The following TNFRSF19 variants were observed in gnomAD, a reference collection of about 807,000 sequenced individuals.
The protein encoded by TNFRSF19 is TNF receptor superfamily member 19.
A neutral mutation model predicts 46.4 loss-of-function variants in TNFRSF19; 27 were observed. The ratio of observed to expected loss-of-function variants is 0.58; its 90% CI spans 0.43 to 0.80. The LOEUF is 0.80. TNFRSF19 is among the 30% of genes least tolerant of loss of function. The probability of loss-of-function intolerance (pLI) is 0.00; values close to 1 mark genes in which losing one functional copy is unlikely to be tolerated. For synonymous variants in TNFRSF19, 204 were observed against 205.0 expected (o/e 1.00, Z 0.04); for missense variants, 511 against 530.8 (o/e 0.96, Z 0.37).
intron 3 of TNFRSF19, among the ~76,000 whole-genome samples, chr13:23,594,611 C>T (rs1391964258): frequency 6.6e-6 from 1 of 152,238 alleles, no homozygotes; most frequent in African/African-American, 2.4e-5. Flanking sequence ...GCAGCAGCCC[C>T]AGTGAGGGGC....
At chr13:23,610,418 T>C (rs995234815) in intron 3 of TNFRSF19, among the ~76,000 whole-genome samples, 7 of 152,204 alleles carry the variant, frequency 4.6e-5, no homozygotes, top group Non-Finnish European at 8.8e-5. Flanking sequence ...GAGCTACAGC[T>C]TGGGTGGAAG....
At chr13:23,614,129 C>G (rs1198762661) in intron 3 of TNFRSF19, among the ~76,000 whole-genome samples, 1 of 152,140 alleles carries the variant, frequency 6.6e-6, no homozygotes, top group Non-Finnish European at 1.5e-5. Flanking sequence ...TGATATAGAA[C>G]ATTGTGTGGC....
chr13:23,617,733 CT>C (rs1881400463), intron 4 of TNFRSF19, among the ~76,000 whole-genome samples: 1 of 152,208 alleles, frequency 6.6e-6, no homozygotes, highest in African/African-American at 2.4e-5. Context: ...CCAAGTACTT[CT>C]CATGAATTAT....
At chr13:23,578,148 G>A (rs975251375) in intron 1 of TNFRSF19, among the ~76,000 whole-genome samples, 1 of 152,172 alleles carries the variant, frequency 6.6e-6, no homozygotes, top group African/African-American at 2.4e-5. Flanking sequence ...AACAGATAAA[G>A]AAGTTCAGCG....
At chr13:23,637,134 T>C (rs1013568803) in intron 5 of TNFRSF19, among the ~76,000 whole-genome samples, 3 of 152,112 alleles carry the variant, frequency 2.0e-5, no homozygotes, top group African/African-American at 7.2e-5. Context: ...TACATTATCA[T>C]GAGTGTTTTC....
intron 9 of TNFRSF19, chr13:23,669,407 G>T: frequency 9.0e-7 from 1 of 1,107,970 alleles, no homozygotes; most frequent in Non-Finnish European, 1.1e-6. Context: ...GGAGCATCTT[G>T]CAGACAATTC....
chr13:23,629,977 G>A (rs953769609), intron 5 of TNFRSF19, among the ~76,000 whole-genome samples: 1 of 152,140 alleles, frequency 6.6e-6, no homozygotes, highest in African/African-American at 2.4e-5. Flanking sequence ...AAGGGTACCG[G>A]AAAGTGGGTT....
Position 23,628,849 on chromosome 13 carries a change from A to C in TNFRSF19, c.445+2057A>C, listed in dbSNP as rs115721786. Among the ~76,000 whole-genome samples the C allele has an allele frequency of 3.2e-3, 489 of 152,272 alleles. 6 individuals are homozygous for C. The highest frequency in any genetic ancestry group is 0.011 in the African/African-American group (467 of 41,554). On this transcript the variant is annotated intron_variant, in intron 5 of 9. Coordinates refer to ENST00000248484, the MANE Select transcript of TNFRSF19 (RefSeq NM_148957.4). ...TTTAGAAAGCAAGGAAGAATAAGCT[A>C]TTTGTCAAAGTAAAACTTGCAGTGT...
Position 23,610,871 on chromosome 13 carries a change from T to C in TNFRSF19, c.181-4996T>C, listed in dbSNP as rs78597849. On this transcript the variant is annotated intron_variant, in intron 3 of 9. Transcript: ENST00000248484. The stretch of plus-strand genomic sequence containing the variant: ...ATTTTCCCATCTTAAAGTTTATTGA[T>C]AAAAAATGTCTTCTCAAGGATTCGG... Among the ~76,000 whole-genome samples, 1,272 of 152,170 alleles carry C rather than the reference T, an allele frequency of 8.4e-3. 28 individuals carry two copies. Among genetic ancestry groups the C allele is most frequent in the East Asian group, 0.077 (396 of 5,174 alleles).
At chr13:23,584,855 A>G (rs1426290828) in intron 1 of TNFRSF19, among the ~76,000 whole-genome samples, 1 of 152,194 alleles carries the variant, frequency 6.6e-6, no homozygotes, top group Non-Finnish European at 1.5e-5. Context: ...AGATCTGCCA[A>G]CTCTACTATG....
chr13:23,608,563 C>T (rs541896820), intron 3 of TNFRSF19, among the ~76,000 whole-genome samples: 3 of 152,248 alleles, frequency 2.0e-5, no homozygotes, highest in South Asian at 2.1e-4. Context: ...ATCTCTTGCT[C>T]GTTTTGTAAA....
chr13:23,614,512 AG>A (rs1327539856), intron 3 of TNFRSF19, among the ~76,000 whole-genome samples: 1 of 152,018 alleles, frequency 6.6e-6, no homozygotes, highest in Admixed American at 6.5e-5. Flanking sequence ...TTTAGCATCC[AG>A]GGTTTACAAA....
At chr13:23,645,457 C>G (rs1205930110) in intron 5 of TNFRSF19, among the ~76,000 whole-genome samples, 1 of 152,200 alleles carries the variant, frequency 6.6e-6, no homozygotes, top group Non-Finnish European at 1.5e-5. Flanking sequence ...CCGCCTTGGC[C>G]TCCCAAAGTG....
intron 5 of TNFRSF19, among the ~76,000 whole-genome samples, chr13:23,656,666 A>G (rs1193367444): frequency 1.3e-5 from 2 of 152,142 alleles, no homozygotes; most frequent in African/African-American, 4.8e-5. Context: ...GGGCTGGGTT[A>G]TTTGAGCAAA....
intron 9 of TNFRSF19, among the ~76,000 whole-genome samples, chr13:23,670,745 T>C (rs1008835056): frequency 2.0e-5 from 3 of 152,172 alleles, no homozygotes; most frequent in African/African-American, 7.2e-5. Flanking sequence ...CAGAGGATGC[T>C]AGAAACAGGC....
At chr13:23,663,557 T>C (rs1884511405) in intron 7 of TNFRSF19, among the ~76,000 whole-genome samples, 1 of 151,918 alleles carries the variant, frequency 6.6e-6, no homozygotes, top group African/African-American at 2.4e-5. Flanking sequence ...GAGTCCCTCA[T>C]TTTTTTGGAA....
At chr13:23,580,882 C>G (rs1345249671) in intron 1 of TNFRSF19, among the ~76,000 whole-genome samples, 1 of 152,206 alleles carries the variant, frequency 6.6e-6, no homozygotes, top group African/African-American at 2.4e-5. Context: ...AAATGTCTTA[C>G]CATATCTACT....
At chr13:23,614,746 C>CACATATATATATATAT (rs1555273059) in intron 3 of TNFRSF19, among the ~76,000 whole-genome samples, 34 of 134,890 alleles carry the variant, frequency 2.5e-4, no homozygotes, top group East Asian at 1.1e-3. Flanking sequence ...ATAAGTAATA[C>CACATATATATATATAT]ATATATATAT....
At chr13:23,631,413 T>A (rs1882354904) in intron 5 of TNFRSF19, among the ~76,000 whole-genome samples, 1 of 152,238 alleles carries the variant, frequency 6.6e-6, no homozygotes, top group South Asian at 2.1e-4. Flanking sequence ...TATACTTTTT[T>A]TCATATAATG....
Sources: allele counts gnomAD v4.1 joint callset (sites outside exome capture counted in the v4.1 genomes callset), GRCh38; gene constraint gnomAD v4.1.1; transcripts MANE v1.5; gene names NCBI Gene and HGNC (gene_info 2026-07-23, HGNC 2026-07-21).